Variants in NDST4 observed in about 807,000 individuals in gnomAD.
NDST4 encodes N-heparan sulfate sulfotransferase 4.
In NDST4, 63 loss-of-function variants were observed where a neutral mutation model predicts 100.8. The ratio of observed to expected loss-of-function variants is 0.62; its 90% CI spans 0.51 to 0.77. The LOEUF is 0.77. Among genes scored for constraint, NDST4 ranks in the 30% least tolerant of loss-of-function variants. The pLI, the probability that NDST4 is intolerant of heterozygous loss-of-function variation, is 0.00. For missense variants in NDST4, 943 were observed against 1,018.4 expected, an observed-to-expected ratio of 0.93 and a Z score of 1.01; for synonymous variants, 377 against 361.8, an observed-to-expected ratio of 1.04 and a Z score of -0.48.
chr4:115,068,833 GA>G (rs1235438072), intron 2 of NDST4, among the ~76,000 whole-genome samples: 1 of 142,632 alleles, frequency 7.0e-6, no homozygotes, highest in Non-Finnish European at 1.5e-5. Flanking sequence ...AAAAAAAAAA[GA>G]AAAGAAAAAG....
At chr4:115,033,564 G>C (rs1374170147) in intron 2 of NDST4, among the ~76,000 whole-genome samples, 1 of 150,980 alleles carries the variant, frequency 6.6e-6, no homozygotes, top group African/African-American at 2.4e-5. Flanking sequence ...TAATTGTGTG[G>C]AGTAAGAGCT....
At chr4:114,895,474 G>A (rs1162946719) in intron 6 of NDST4, among the ~76,000 whole-genome samples, 1 of 152,134 alleles carries the variant, frequency 6.6e-6, no homozygotes, top group Non-Finnish European at 1.5e-5. Context: ...AACAAGCTCT[G>A]AAATTGGGGC....
chr4:114,953,189 G>T (rs999775811), intron 4 of NDST4, among the ~76,000 whole-genome samples: 4 of 151,888 alleles, frequency 2.6e-5, no homozygotes, highest in African/African-American at 9.7e-5. Flanking sequence ...CTAGGGCTCG[G>T]TTTTCTCATT....
At chr4:114,868,536 C>T (rs1724080984) in intron 7 of NDST4, among the ~76,000 whole-genome samples, 2 of 151,968 alleles carry the variant, frequency 1.3e-5, no homozygotes, top group African/African-American at 4.8e-5. Context: ...CAACTTTTGT[C>T]AAAATCTCAT....
chr4:114,957,904 C>A (rs543357948), intron 4 of NDST4, among the ~76,000 whole-genome samples: 53 of 152,276 alleles, frequency 3.5e-4, no homozygotes, highest in African/African-American at 1.3e-3. Context: ...AGTGGGTTCC[C>A]ATGGTCTTGG....
intron 2 of NDST4, among the ~76,000 whole-genome samples, chr4:115,023,073 T>C (rs953046970): frequency 1.3e-5 from 2 of 152,092 alleles, no homozygotes; most frequent in Non-Finnish European, 2.9e-5. Flanking sequence ...ACAGTGGACT[T>C]TGGGGACTCA....
intron 6 of NDST4, among the ~76,000 whole-genome samples, chr4:114,905,537 A>C (rs1437046270): frequency 6.6e-6 from 1 of 151,906 alleles, no homozygotes; most frequent in Admixed American, 6.6e-5. Context: ...TTTGCTTTTC[A>C]TGACTTTGTT....
chr4:114,899,996 AC>A (rs1724800617), intron 6 of NDST4, among the ~76,000 whole-genome samples: 1 of 152,084 alleles, frequency 6.6e-6, no homozygotes, highest in South Asian at 2.1e-4. Flanking sequence ...GTAATTATTG[AC>A]TGAATTTCTT....
At chr4:115,111,722 T>C (rs1729956421) in intron 1 of NDST4, among the ~76,000 whole-genome samples, 1 of 151,774 alleles carries the variant, frequency 6.6e-6, no homozygotes. Flanking sequence ...ATATATATTA[T>C]AACTTTTTCA....
intron 2 of NDST4, among the ~76,000 whole-genome samples, chr4:115,036,478 GTA>G (rs1728236027): frequency 1.3e-5 from 2 of 151,468 alleles, no homozygotes; most frequent in Admixed American, 6.6e-5. Flanking sequence ...ACTAATAATA[GTA>G]TCTATGAAGT....
chr4:115,099,668 T>C (rs1290311827), intron 1 of NDST4, among the ~76,000 whole-genome samples: 1 of 152,124 alleles, frequency 6.6e-6, no homozygotes, highest in Non-Finnish European at 1.5e-5. Context: ...CAACACTAAA[T>C]GCTGGGGAGG....
At chr4:115,043,067 G>C (rs1225262605) in intron 2 of NDST4, among the ~76,000 whole-genome samples, 1 of 151,868 alleles carries the variant, frequency 6.6e-6, no homozygotes, top group Non-Finnish European at 1.5e-5. Flanking sequence ...CACTACACAT[G>C]CTGCTTACAT....
chr4:115,021,660 C>T (rs902428540), intron 2 of NDST4, among the ~76,000 whole-genome samples: 5 of 144,234 alleles, frequency 3.5e-5, no homozygotes, highest in Admixed American at 1.4e-4. Context: ...TATATACACA[C>T]GTTCCACATA....
At chr4:114,865,174 C>T (rs185669986) in intron 7 of NDST4, among the ~76,000 whole-genome samples, 700 of 152,016 alleles carry the variant, frequency 4.6e-3, no homozygotes, top group Middle Eastern at 0.014. Flanking sequence ...AAGTGATTCT[C>T]CTGCCTCAGC....
chr4:114,860,377 T>C (rs917132263), intron 7 of NDST4, among the ~76,000 whole-genome samples: 5 of 152,328 alleles, frequency 3.3e-5, no homozygotes, highest in African/African-American at 4.8e-5. Flanking sequence ...GCATCCCCTA[T>C]TTAGCTTATT....
intron 2 of NDST4, among the ~76,000 whole-genome samples, chr4:114,995,170 T>C (rs1401558509): frequency 3.3e-5 from 5 of 152,044 alleles, no homozygotes; most frequent in Non-Finnish European, 7.4e-5. Context: ...TATGCAGTTA[T>C]AAACAGTCCA....
intron 2 of NDST4, among the ~76,000 whole-genome samples, chr4:115,057,279 A>T (rs917133462): frequency 1.3e-5 from 2 of 152,136 alleles, no homozygotes; most frequent in African/African-American, 4.8e-5. Context: ...TTCCTTGGTA[A>T]CAGATTATTT....
chr4:114,930,378 T>TTTGTA, intron 6 of NDST4, among the ~76,000 whole-genome samples: 1 of 152,204 alleles, frequency 6.6e-6, no homozygotes, highest in East Asian at 1.9e-4. Context: ...CAACAGACCT[T>TTTGTA]TTGTTTTGTT....
At chr4:115,078,406 AG>A (rs1333142035) in intron 1 of NDST4, among the ~76,000 whole-genome samples, 1 of 152,204 alleles carries the variant, frequency 6.6e-6, no homozygotes, top group Non-Finnish European at 1.5e-5. Context: ...TGATATGGAC[AG>A]TGAAATACAA....
Sources: gnomAD v4.1 joint callset for allele counts (sites outside exome capture counted in the v4.1 genomes callset) on GRCh38, gnomAD v4.1.1 for gene constraint, MANE v1.5 for transcripts, NCBI Gene and HGNC (gene_info 2026-07-23, HGNC 2026-07-21) for gene names.